PAX7: variants seen among roughly 807,000 people sequenced by gnomAD.
The protein encoded by PAX7 is paired box 7, also known as paired box protein Pax-7.
A neutral mutation model predicts 50.7 loss-of-function variants in PAX7; 18 were observed. The observed-to-expected ratio is 0.36, with a 90% CI of 0.25 to 0.53. The LOEUF (loss-of-function observed/expected upper bound fraction) is 0.53. Among genes scored for constraint, PAX7 ranks in the 20% least tolerant of loss-of-function variants. The probability of loss-of-function intolerance (pLI) is 0.93; values close to 1 mark genes in which losing one functional copy is unlikely to be tolerated. For missense variants in PAX7, 644 were observed against 702.9 expected, an observed-to-expected ratio of 0.92 and a Z score of 0.95; for synonymous variants, 310 against 290.4, an observed-to-expected ratio of 1.07 and a Z score of -0.69.
intron 4 of PAX7, among the ~76,000 whole-genome samples, chr1:18,681,843 A>C (rs1456401950): frequency 6.6e-6 from 1 of 151,684 alleles, no homozygotes; most frequent in African/African-American, 2.4e-5. Context: ...CCTCTGCCTC[A>C]CGGGTTCAAG....
intron 4 of PAX7, among the ~76,000 whole-genome samples, chr1:18,679,636 G>T (rs2088869646): frequency 6.6e-6 from 1 of 152,088 alleles, no homozygotes; most frequent in Non-Finnish European, 1.5e-5. Context: ...AGACCACCTG[G>T]CCCCCTCTTC....
At chr1:18,727,675 T>G (rs1036924695) in intron 7 of PAX7, among the ~76,000 whole-genome samples, 1 of 152,188 alleles carries the variant, frequency 6.6e-6, no homozygotes, top group Admixed American at 6.5e-5. Context: ...GTGCTGTGCT[T>G]GTGCAAGAGA....
At chr1:18,699,722 G>A (rs138659929) in intron 5 of PAX7, among the ~76,000 whole-genome samples, 95 of 152,044 alleles carry the variant, frequency 6.2e-4, no homozygotes, top group African/African-American at 2.1e-3. Context: ...CACCATGCCC[G>A]GCTAATTTTT....
chr1:18,703,286 T>C lies in PAX7; in HGVS notation c.1145T>C (p.Leu382Pro). The C allele has an allele frequency of 7.4e-6, 12 of 1,613,966 alleles. No individual in the cohort carries two copies. The highest frequency in any genetic ancestry group is 1.0e-5 in the Non-Finnish European group (12 of 1,179,988). ...SNHMNPVSNG[L>P]SPQVMSILGN... ...CACATGAACCCGGTCAGCAACGGCC[T>C]GTCTCCTCAGGTAGGTGGTCTCAGC... Residue 382 changes from leucine to proline, a missense_variant, in exon 7 of 9, where the codon CTG becomes CCG. By Grantham distance (98) the Leu-to-Pro change is moderately conservative. Coordinates refer to ENST00000420770, the MANE Select transcript of PAX7 (RefSeq NM_001135254.2).
chr1:18,711,708 G>T (rs567237786), intron 7 of PAX7, among the ~76,000 whole-genome samples: 3 of 152,172 alleles, frequency 2.0e-5, no homozygotes, highest in Admixed American at 1.3e-4. Context: ...CAGGATTAGG[G>T]GAAAGCTAAC....
chr1:18,663,151 G>A (rs1001193394), intron 4 of PAX7, among the ~76,000 whole-genome samples: 4 of 152,122 alleles, frequency 2.6e-5, no homozygotes, highest in Non-Finnish European at 2.9e-5. Context: ...ATCATTTTCC[G>A]GAGGCTGGTT....
At chr1:18,681,696 T>TTTTA (rs1429182360) in intron 4 of PAX7, among the ~76,000 whole-genome samples, 1 of 9,058 alleles carries the variant, frequency 1.1e-4, no homozygotes, top group African/African-American at 4.6e-4. Context: ...TTAGAATTTA[T>TTTTA]TTTATTTTAT....
chr1:18,695,132 C>T (rs1048672405), intron 5 of PAX7, among the ~76,000 whole-genome samples: 1 of 151,936 alleles, frequency 6.6e-6, no homozygotes, highest in African/African-American at 2.4e-5. Flanking sequence ...TTACCCTTTC[C>T]ACCCTCCACC....
In PAX7 at chr1:18,687,343, C is replaced by G. The variant is rs888088378; in HGVS notation, c.587-4411C>G. Reference sequence around the variant, plus strand: ...CCACACAGCTAGGGAAAGACAGAGCCCACAAGCCAGGTCTCAGGCTGCCGA... The same window carrying G: ...CCACACAGCTAGGGAAAGACAGAGCGCACAAGCCAGGTCTCAGGCTGCCGA... On this transcript the variant is annotated intron_variant, in intron 4 of 8. Transcript: ENST00000420770. Among the ~76,000 whole-genome samples the G allele has an allele frequency of 3.9e-5, 6 of 152,096 alleles. No individual in the cohort carries two copies. In the East Asian group the frequency reaches 1.2e-3, roughly 29 times the overall value.
At chr1:18,648,918 T>C (rs1215693260) in intron 4 of PAX7, among the ~76,000 whole-genome samples, 2 of 151,682 alleles carry the variant, frequency 1.3e-5, no homozygotes, top group East Asian at 1.9e-4. Flanking sequence ...CAAGGAGACA[T>C]GGTTAGGAGA....
chr1:18,674,377 C>T (rs2088795554), intron 4 of PAX7, among the ~76,000 whole-genome samples: 1 of 152,206 alleles, frequency 6.6e-6, no homozygotes, highest in African/African-American at 2.4e-5. Flanking sequence ...TTGCAAACAC[C>T]AGTGACACAC....
At position 18,726,213 on chromosome 1, in the gene PAX7, T is replaced by G. The variant is rs1281396458; in HGVS notation, c.1156-9419T>G. 1.3e-5 allele frequency among the ~76,000 whole-genome samples: 2 copies of G among 151,670 alleles called. No individual in the cohort carries two copies. On this transcript the variant is annotated intron_variant, in intron 7 of 8. Coordinates refer to ENST00000420770, the MANE Select transcript of PAX7 (RefSeq NM_001135254.2). The surrounding 1 kb of genome is among the most constrained non-coding windows in gnomAD (Gnocchi z 4.8). ...TCTTGGACAATGAGTGGAAAGCCAT[T>G]CTGTTCCTCCCTCCACCCCCACCTC...
intron 7 of PAX7, among the ~76,000 whole-genome samples, chr1:18,734,479 C>A (rs1288646446): frequency 1.3e-5 from 2 of 152,060 alleles, no homozygotes; most frequent in Non-Finnish European, 2.9e-5. Flanking sequence ...CTGCTCTGAA[C>A]TGACTGGGAC....
At chr1:18,670,511 A>G (rs893138329) in intron 4 of PAX7, among the ~76,000 whole-genome samples, 2 of 152,102 alleles carry the variant, frequency 1.3e-5, no homozygotes, top group African/African-American at 4.8e-5. Flanking sequence ...TACCAGCCCT[A>G]GCCCAGGCCT....
intron 4 of PAX7, among the ~76,000 whole-genome samples, chr1:18,653,178 G>GT (rs1184467400): frequency 7.2e-6 from 1 of 138,610 alleles, no homozygotes; most frequent in Admixed American, 7.1e-5. Context: ...GATTTGCTGG[G>GT]TTTTTTTCAT....
chr1:18,654,607 A>C (rs900364600), intron 4 of PAX7, among the ~76,000 whole-genome samples: 1 of 152,206 alleles, frequency 6.6e-6, no homozygotes, highest in African/African-American at 2.4e-5. Flanking sequence ...AAAAAACCAC[A>C]ACAGCGGGTG....
intron 7 of PAX7, among the ~76,000 whole-genome samples, chr1:18,731,276 A>G (rs187189747): frequency 3.4e-4 from 52 of 152,262 alleles, no homozygotes; most frequent in Non-Finnish European, 6.0e-4. Context: ...GGGAGCCCTA[A>G]AGGTCCCCGG....
At chr1:18,669,264 C>T (rs2088709842) in intron 4 of PAX7, among the ~76,000 whole-genome samples, 1 of 152,226 alleles carries the variant, frequency 6.6e-6, no homozygotes, top group Non-Finnish European at 1.5e-5. Flanking sequence ...CTATATTCTG[C>T]TGGCAGCCTC....
chr1:18,681,972 A>G (rs987128422), intron 4 of PAX7, among the ~76,000 whole-genome samples: 1 of 152,124 alleles, frequency 6.6e-6, no homozygotes, highest in Admixed American at 6.6e-5. Context: ...TCCTGACCTC[A>G]GATGATCCAC....
Sources: gnomAD v4.1 joint callset for allele counts (sites outside exome capture counted in the v4.1 genomes callset) on GRCh38, gnomAD v4.1.1 for gene constraint, Gnocchi (gnomAD v3.1) non-coding constraint, MANE v1.5 for transcripts, NCBI Gene and HGNC (gene_info 2026-07-23, HGNC 2026-07-21) for gene names.